Variants in WDR48 observed in about 807,000 individuals in gnomAD.
The protein encoded by WDR48 is WD repeat domain 48.
Under a neutral mutation model 94.0 loss-of-function variants are expected in WDR48, and 22 were observed. The observed-to-expected ratio is 0.23, with a 90% CI of 0.17 to 0.33. The LOEUF (loss-of-function observed/expected upper bound fraction) is 0.33. Among genes scored for constraint, WDR48 ranks in the 10% least tolerant of loss-of-function variants. The pLI is 1.00. For missense variants in WDR48, 541 were observed against 813.8 expected, an observed-to-expected ratio of 0.66 and a Z score of 4.08; for synonymous variants, 278 against 280.5, an observed-to-expected ratio of 0.99 and a Z score of 0.09.
At chr3:39,074,988 G>A (rs756678107) in intron 8 of WDR48, 38 bp downstream of exon 8, 1 of 1,591,326 alleles carries the variant, frequency 6.3e-7, no homozygotes, top group South Asian at 1.1e-5. Context: ...TATAATTAAG[G>A]TTGTTACATG....
chr3:39,061,501 G>C (rs2033263233), intron 1 of WDR48, among the ~76,000 whole-genome samples: 1 of 152,094 alleles, frequency 6.6e-6, no homozygotes, highest in African/African-American at 2.4e-5. Context: ...GTCTATCATT[G>C]ATGGACATTT....
intron 1 of WDR48, among the ~76,000 whole-genome samples, chr3:39,061,186 G>C (rs892094844): frequency 6.6e-6 from 1 of 152,026 alleles, no homozygotes; most frequent in Non-Finnish European, 1.5e-5. Flanking sequence ...TGCCATGTTG[G>C]TTTGTTGCAC....
chr3:39,066,730 G>C lies in WDR48; in HGVS notation c.352-16G>C. On this transcript the variant is annotated splice_polypyrimidine_tract_variant and intron_variant, in intron 4 of 18. Transcript: ENST00000302313. ...TGATCTACAGAATAGATCATAGTAT[G>C]TCTGTTCTATTACAGGATTACGTAA... The C allele has an allele frequency of 6.2e-7, 1 of 1,613,820 alleles. No individual in the cohort carries two copies. Among genetic ancestry groups the C allele is most frequent in the Admixed American group, 1.7e-5 (1 of 60,008 alleles).
At chr3:39,052,505 G>C (rs2032508531) in intron 1 of WDR48, 1 of 173,994 alleles carries the variant, frequency 5.7e-6, no homozygotes, top group East Asian at 1.9e-4. Flanking sequence ...CGGGGGCGTG[G>C]CGAGGCGGCG....
At chr3:39,086,335 G>A (rs946137549) in intron 14 of WDR48, 2 of 152,228 alleles carry the variant, frequency 1.3e-5, no homozygotes, top group African/African-American at 4.8e-5. Flanking sequence ...ATCGACTGAG[G>A]CTTACTCTGC....
chr3:39,094,288 C>A (rs567480622), intron 18 of WDR48: 4 of 1,422,992 alleles, frequency 2.8e-6, no homozygotes, highest in Non-Finnish European at 1.8e-6. Context: ...TTTTTTCTGA[C>A]AAGAAAAAAG....
chr3:39,078,388 G>A (rs1481982653), intron 10 of WDR48, 149 bp downstream of exon 10: 2 of 652,008 alleles, frequency 3.1e-6, no homozygotes, highest in Non-Finnish European at 5.2e-6. Context: ...ATAAGGAAAA[G>A]GTTTTTTTTT....
In WDR48 at chr3:39,084,749, T is replaced by C. The variant is rs779168456; in HGVS notation, c.1378+8T>C. ...ATGGGTCAGATCCAAAATGTGAGTT[T>C]AAGTGTCCTTCATTTTTTTCCTCCC... On this transcript the variant is annotated splice_region_variant and intron_variant, in intron 13 of 18. Coordinates refer to ENST00000302313, the MANE Select transcript of WDR48 (RefSeq NM_020839.4). The C allele has an allele frequency of 6.2e-7, 1 of 1,609,882 alleles. No individual in the cohort carries two copies. The highest frequency in any genetic ancestry group is 8.5e-7 in the Non-Finnish European group (1 of 1,177,838).
chr3:39,052,331 C>A, intron 1 of WDR48: 1 of 488,704 alleles, frequency 2.0e-6, no homozygotes, highest in Non-Finnish European at 3.7e-6. Context: ...TGTCGCCGCT[C>A]TTCTGTAGGA....
At chr3:39,075,032 C>A in intron 8 of WDR48, 82 bp downstream of exon 8, 1 of 1,359,640 alleles carries the variant, frequency 7.4e-7, no homozygotes, top group Non-Finnish European at 1.0e-6. Context: ...TATATTAAAA[C>A]ATGACTCAAC....
At chr3:39,085,815 A>G (rs2034781384) in intron 14 of WDR48, among the ~76,000 whole-genome samples, 1 of 151,866 alleles carries the variant, frequency 6.6e-6, no homozygotes, top group South Asian at 2.1e-4. Flanking sequence ...ACCTTATGAT[A>G]TGGCTTTTAG....
chr3:39,068,878 C>A lies in WDR48; in HGVS notation c.570+19C>A. 2.6e-6 allele frequency: 4 copies of A among 1,510,870 alleles called. No individual in the cohort carries two copies. The highest frequency in any genetic ancestry group is 1.4e-5 in the African/African-American group (1 of 70,138). The allele number at this position is 1,510,870 out of a possible 1,614,324, so 93.6% of individuals were successfully genotyped here. The stretch of plus-strand genomic sequence containing the variant: ...TGAAAAGGTAAGGAGGAGCTTATTT[C>A]TTTATTTAAAAAAAAAAATTATTTT... On this transcript the variant is annotated intron_variant, in intron 6 of 18. Coordinates refer to ENST00000302313, the MANE Select transcript of WDR48 (RefSeq NM_020839.4).
rs2035088489 is a variant in WDR48 at position 39,091,852 on chromosome 3, C to T, written c.1745+151C>T. 7.5e-6 allele frequency: 5 copies of T among 663,296 alleles called. No homozygotes were observed. The South Asian group carries it at 1.2e-4, about 16-fold the overall frequency. The allele number at this position is 663,296 out of a possible 1,614,324, so 41.1% of individuals were successfully genotyped here. ...ATACAATTAAACCACTTACCAGGTA[C>T]CAACTTTGGCCGATTACAGGTGTTC... is the stretch of plus-strand genomic sequence containing the variant. On this transcript the variant is annotated intron_variant, in intron 17 of 18. Coordinates refer to ENST00000302313, the MANE Select transcript of WDR48 (RefSeq NM_020839.4).
intron 1 of WDR48, among the ~76,000 whole-genome samples, chr3:39,054,626 C>T (rs905212552): frequency 6.6e-6 from 1 of 152,316 alleles, no homozygotes; most frequent in South Asian, 2.1e-4. Flanking sequence ...AAAATATATT[C>T]TACAAAATTG....
chr3:39,064,106 G>A (rs2033445892), intron 2 of WDR48, among the ~76,000 whole-genome samples: 1 of 152,096 alleles, frequency 6.6e-6, no homozygotes, highest in African/African-American at 2.4e-5. Context: ...TTAGTATTTT[G>A]TTGGAACACC....
chr3:39,065,788 T>A, intron 2 of WDR48, 23 bp from the exon 3 acceptor site: 2 of 1,540,698 alleles, frequency 1.3e-6, no homozygotes, highest in Non-Finnish European at 1.8e-6. Context: ...TATAAACTCT[T>A]AGGATTTTTC....
chr3:39,080,851 T>A (rs1575423690), intron 11 of WDR48, among the ~76,000 whole-genome samples: 1 of 152,182 alleles, frequency 6.6e-6, no homozygotes, highest in African/African-American at 2.4e-5. Context: ...TGGTATGTGC[T>A]TATTTGGGGC....
At chr3:39,056,731 A>G (rs1243518190) in intron 1 of WDR48, among the ~76,000 whole-genome samples, 1 of 152,254 alleles carries the variant, frequency 6.6e-6, no homozygotes, top group Non-Finnish European at 1.5e-5. Flanking sequence ...CAGGCATGCA[A>G]GGACTAAGTT....
At chr3:39,065,770 T>C in intron 2 of WDR48, 41 bp from the exon 3 acceptor site, 1 of 1,391,438 alleles carries the variant, frequency 7.2e-7, no homozygotes, top group Non-Finnish European at 1.0e-6. Flanking sequence ...ATATATTTCA[T>C]TCTCTCATAT....
Sources: gnomAD v4.1 joint callset for allele counts (sites outside exome capture counted in the v4.1 genomes callset) on GRCh38, gnomAD v4.1.1 for gene constraint, MANE v1.5 for transcripts, NCBI Gene and HGNC (gene_info 2026-07-23, HGNC 2026-07-21) for gene names.